The following KLHL5 variants were observed in gnomAD, a reference collection of about 807,000 sequenced individuals.
The protein encoded by KLHL5 is kelch-like protein 5.
In KLHL5, 48 loss-of-function variants were observed where a neutral mutation model predicts 77.7. The observed-to-expected ratio is 0.62, with a 90% CI of 0.49 to 0.79. KLHL5 has a LOEUF of 0.79. KLHL5 is among the 30% of genes least tolerant of loss of function. The pLI is 0.00. For missense variants in KLHL5, 723 were observed against 859.7 expected (o/e 0.84, Z 1.99); for synonymous variants, 260 against 297.0 (o/e 0.88, Z 1.28).
intron 4 of KLHL5, 129 bp downstream of exon 4, chr4:39,082,288 G>A: frequency 1.4e-6 from 1 of 714,096 alleles, no homozygotes; most frequent in South Asian, 2.0e-5. Flanking sequence ...TCATTGCCTA[G>A]TGTGTCATAT....
rs767511655 is a variant in KLHL5 at position 39,086,553 on chromosome 4, A to G, written c.939A>G (p.Val313=). The change falls in exon 5 of 11, where the codon GTA becomes GTG. Residue 313 remains valine (V), a synonymous_variant. Transcript: ENST00000504108. The part of the protein sequence containing the change: ...FMEVIRNQEF[V]LLPASEIAKL... ...AAGTAATCAGAAACCAGGAATTTGT[A>G]TTATTACCAGCCAGCGAAATTGCAA... The G allele has an allele frequency of 6.2e-7, 1 of 1,613,994 alleles. No individual in the cohort carries two copies. Among genetic ancestry groups the G allele is most frequent in the South Asian group, 1.1e-5 (1 of 91,086 alleles).
Position 39,115,738 on chromosome 4 carries a change from T to A in KLHL5, c.2073+408T>A, listed in dbSNP as rs1221226522. On this transcript the variant is annotated intron_variant, in intron 10 of 10. Transcript: ENST00000504108. ...TTTAAATACTCAACCCATTGATATC[T>A]GGGAGCAGATTAAAGTCCTGATAAC... 6.2e-6 allele frequency: 7 copies of A among 1,126,942 alleles called. No individual in the cohort carries two copies. The East Asian group carries it at 4.1e-4, about 66-fold the overall frequency. The allele number at this position is 1,126,942 out of a possible 1,614,324, so 69.8% of individuals were successfully genotyped here. A position where few individuals can be genotyped will look rare whatever the true frequency, so the allele number is the denominator to read the frequency against.
intron 1 of KLHL5, among the ~76,000 whole-genome samples, chr4:39,048,637 G>GTTTTTTTTTTT (rs1577617588): frequency 2.1e-5 from 1 of 48,722 alleles, no homozygotes; most frequent in African/African-American, 8.2e-5. Flanking sequence ...TTTTACATTG[G>GTTTTTTTTTTT]CTTTTTTTTT....
chr4:39,120,691 A>G (rs553203678), intron 10 of KLHL5, among the ~76,000 whole-genome samples: 2 of 152,370 alleles, frequency 1.3e-5, no homozygotes, highest in Admixed American at 1.3e-4. Context: ...GCATTTCTTC[A>G]TATCCATACT....
intron 1 of KLHL5, among the ~76,000 whole-genome samples, chr4:39,068,394 T>C (rs1234721821): frequency 1.3e-5 from 2 of 151,790 alleles, no homozygotes; most frequent in African/African-American, 2.4e-5. Context: ...ATGGACTCCA[T>C]TGAGAATGTG....
chr4:39,109,637 C>T (rs199927498), intron 8 of KLHL5, among the ~76,000 whole-genome samples: 10 of 128,564 alleles, frequency 7.8e-5, no homozygotes, highest in Non-Finnish European at 1.2e-4. Flanking sequence ...CTTTTTTTTT[C>T]TTTTTTTTTT....
chr4:39,090,072 T>G (rs542016759), intron 5 of KLHL5, among the ~76,000 whole-genome samples: 1 of 152,326 alleles, frequency 6.6e-6, no homozygotes, highest in East Asian at 1.9e-4. Flanking sequence ...TAATAAAGTT[T>G]TGAAGTAGAC....
the KLHL5 span, among the ~76,000 whole-genome samples, chr4:39,140,782 T>A: frequency 6.6e-6 from 1 of 152,220 alleles, no homozygotes; most frequent in Admixed American, 6.5e-5. Context: ...ATCAACTCTT[T>A]CATCCCAGGG....
downstream of KLHL5, among the ~76,000 whole-genome samples, chr4:39,130,843 T>TC (rs1723772060): frequency 6.6e-6 from 1 of 151,890 alleles, no homozygotes; most frequent in Admixed American, 6.6e-5. Context: ...TACAAATAAT[T>TC]CTTTTTTTTT....
intron 5 of KLHL5, among the ~76,000 whole-genome samples, chr4:39,087,089 T>C (rs1057009668): frequency 2.6e-5 from 4 of 152,002 alleles, no homozygotes; most frequent in Admixed American, 6.6e-5. Flanking sequence ...TGTTGTATTT[T>C]TAGTAGCGAT....
At chr4:39,047,089 A>G (rs1716247087) in intron 1 of KLHL5, among the ~76,000 whole-genome samples, 1 of 152,208 alleles carries the variant, frequency 6.6e-6, no homozygotes, top group East Asian at 1.9e-4. Flanking sequence ...CTATATGACT[A>G]TGTAACACAA....
At chr4:39,141,345 G>A in the KLHL5 span, among the ~76,000 whole-genome samples, 1 of 87,978 alleles carries the variant, frequency 1.1e-5, no homozygotes, top group Non-Finnish European at 2.1e-5. Context: ...GTCTCGCTTT[G>A]TTGCCCAGGC....
At chr4:39,047,863 A>T (rs1218745831) in intron 1 of KLHL5, among the ~76,000 whole-genome samples, 1 of 152,270 alleles carries the variant, frequency 6.6e-6, no homozygotes, top group Non-Finnish European at 1.5e-5. Flanking sequence ...AGAACACAGT[A>T]CAGAGTGGAA....
chr4:39,081,431 A>C lies in KLHL5; in HGVS notation c.703+192A>C, dbSNP rs1719607717. ...ACCTTTAAAATGGTTATCATAATTA[A>C]GTTTTTGAATGGCCCTTTAAAATGT... is the stretch of plus-strand genomic sequence containing the variant. On this transcript the variant is annotated intron_variant, in intron 3 of 10. Transcript: ENST00000504108. The surrounding 1 kb of genome is among the most constrained non-coding windows in gnomAD (Gnocchi z 4.3). Among the ~76,000 whole-genome samples, 1 of 152,194 alleles carries C rather than the reference A, an allele frequency of 6.6e-6. No individual in the cohort carries two copies.
chr4:39,096,654 T>G (rs372226695), intron 5 of KLHL5, 38 bp from the exon 6 acceptor site: 48 of 1,364,450 alleles, frequency 3.5e-5, no homozygotes, highest in Non-Finnish European at 4.7e-5. Context: ...TACCATTTTC[T>G]TAGTCATTCA....
the KLHL5 span, among the ~76,000 whole-genome samples, chr4:39,141,041 G>A: frequency 5.9e-5 from 9 of 152,266 alleles, no homozygotes; most frequent in South Asian, 1.4e-3. Context: ...CCAATGAAGG[G>A]AAAAGCTTAC....
chr4:39,099,029 T>C (rs1007463239), intron 6 of KLHL5, among the ~76,000 whole-genome samples: 3 of 152,160 alleles, frequency 2.0e-5, no homozygotes, highest in African/African-American at 7.2e-5. Context: ...ATGCCTGTAA[T>C]CCCTGCACTT....
intron 7 of KLHL5, among the ~76,000 whole-genome samples, chr4:39,104,957 G>A (rs1013068158): frequency 6.6e-6 from 1 of 151,770 alleles, no homozygotes; most frequent in Non-Finnish European, 1.5e-5. Flanking sequence ...GTAGAGACAC[G>A]TTTCACCATG....
chr4:39,074,145 CATTA>C (rs1718778597), intron 1 of KLHL5, among the ~76,000 whole-genome samples: 1 of 152,084 alleles, frequency 6.6e-6, no homozygotes, highest in African/African-American at 2.4e-5. Flanking sequence ...TTTTCCAAGT[CATTA>C]CACCAGTAAT....
Sources: gnomAD v4.1 joint callset for allele counts (sites outside exome capture counted in the v4.1 genomes callset) on GRCh38, gnomAD v4.1.1 for gene constraint, Gnocchi (gnomAD v3.1) non-coding constraint, MANE v1.5 for transcripts, NCBI Gene and HGNC (gene_info 2026-07-23, HGNC 2026-07-21) for gene names.